Variants in FRMD5 observed in about 807,000 individuals in gnomAD.
The protein encoded by FRMD5 is FERM domain-containing protein 5.
Under a neutral mutation model 69.0 loss-of-function variants are expected in FRMD5, and 20 were observed. The ratio of observed to expected loss-of-function variants is 0.29; its 90% CI spans 0.20 to 0.42. The LOEUF (loss-of-function observed/expected upper bound fraction) is 0.42. Ranked by LOEUF, FRMD5 falls within the 10% of genes least tolerant of loss-of-function variation. The pLI is 1.00. For missense variants in FRMD5, 595 were observed against 708.6 expected, an observed-to-expected ratio of 0.84 and a Z score of 1.82; for synonymous variants, 271 against 260.1, an observed-to-expected ratio of 1.04 and a Z score of -0.40.
chr15:44,074,857 A>T (rs988103938), intron 1 of FRMD5, among the ~76,000 whole-genome samples: 1 of 152,154 alleles, frequency 6.6e-6, no homozygotes, highest in African/African-American at 2.4e-5. Context: ...TGCTTTTCAT[A>T]GTGACGTCAG....
intron 1 of FRMD5, among the ~76,000 whole-genome samples, chr15:43,978,836 AC>A (rs2140612228): frequency 6.6e-6 from 1 of 152,144 alleles, no homozygotes; most frequent in Non-Finnish European, 1.5e-5. Context: ...ACAGACATGA[AC>A]CACCACACCC....
intron 1 of FRMD5, chr15:44,194,619 G>T (rs915673353): frequency 1.6e-5 from 6 of 386,116 alleles, no homozygotes; most frequent in Non-Finnish European, 2.9e-5. Context: ...CGCCCTACCC[G>T]CCTCCCTCCG....
intron 1 of FRMD5, among the ~76,000 whole-genome samples, chr15:43,927,408 C>T (rs183924310): frequency 6.6e-6 from 1 of 152,228 alleles, no homozygotes; most frequent in East Asian, 1.9e-4. Context: ...GACAGAGACT[C>T]GTTATGAATC....
At chr15:43,987,431 G>A (rs183597308) in intron 1 of FRMD5, among the ~76,000 whole-genome samples, 49 of 152,324 alleles carry the variant, frequency 3.2e-4, no homozygotes, top group Admixed American at 1.8e-3. Flanking sequence ...TAGAACAGCG[G>A]TCCTCAACCT....
At chr15:43,896,334 G>A (rs1043864076) in intron 7 of FRMD5, among the ~76,000 whole-genome samples, 6 of 152,246 alleles carry the variant, frequency 3.9e-5, no homozygotes, top group East Asian at 1.9e-4. Context: ...TCCAAACCTC[G>A]GTTTCCTCAT....
At chr15:43,894,999 G>T (rs1435540846) in intron 7 of FRMD5, among the ~76,000 whole-genome samples, 1 of 152,068 alleles carries the variant, frequency 6.6e-6, no homozygotes, top group Non-Finnish European at 1.5e-5. Context: ...GCCAAGGTGG[G>T]TCTTGAACTC....
At chr15:44,146,438 C>T (rs145009456) in intron 1 of FRMD5, among the ~76,000 whole-genome samples, 1 of 152,184 alleles carries the variant, frequency 6.6e-6, no homozygotes, top group African/African-American at 2.4e-5. Context: ...GCTATTGTGA[C>T]TAGTGCTGCA....
intron 7 of FRMD5, 60 bp downstream of exon 7, chr15:43,902,115 T>C: frequency 2.4e-6 from 3 of 1,274,878 alleles, no homozygotes; most frequent in Non-Finnish European, 3.4e-6. Flanking sequence ...ATGGGGGCTC[T>C]TGCTCCTGAT....
chr15:43,888,136 C>A, intron 10 of FRMD5, 39 bp downstream of exon 10: 1 of 1,488,944 alleles, frequency 6.7e-7, no homozygotes, highest in South Asian at 1.1e-5. Context: ...CTGACTCTGG[C>A]TCTAAGAAAG....
intron 1 of FRMD5, among the ~76,000 whole-genome samples, chr15:44,071,507 C>T (rs1425795654): frequency 2.6e-5 from 4 of 152,148 alleles, no homozygotes; most frequent in Non-Finnish European, 5.9e-5. Context: ...AAAACTCTCT[C>T]CTCCCTACTT....
intron 1 of FRMD5, among the ~76,000 whole-genome samples, chr15:43,998,176 C>T (rs538284142): frequency 4.5e-4 from 68 of 152,252 alleles, no homozygotes; most frequent in African/African-American, 1.6e-3. Context: ...GATTCCTTCT[C>T]CACAAAATGG....
At chr15:43,993,623 T>C (rs990147284) in intron 1 of FRMD5, among the ~76,000 whole-genome samples, 1 of 152,250 alleles carries the variant, frequency 6.6e-6, no homozygotes, top group Non-Finnish European at 1.5e-5. Flanking sequence ...TTAAGTCCAA[T>C]GCTTCCTTAT....
chr15:43,954,880 T>C (rs910856407), intron 1 of FRMD5, among the ~76,000 whole-genome samples: 1 of 152,222 alleles, frequency 6.6e-6, no homozygotes, highest in African/African-American at 2.4e-5. Flanking sequence ...ATTTCTTGTA[T>C]GTGCTAGATG....
chr15:44,088,322 C>G (rs770970317), intron 1 of FRMD5, among the ~76,000 whole-genome samples: 1 of 152,152 alleles, frequency 6.6e-6, no homozygotes, highest in Non-Finnish European at 1.5e-5. Context: ...ACTCTCTCCC[C>G]ACCAGCTCTA....
intron 1 of FRMD5, among the ~76,000 whole-genome samples, chr15:44,044,146 T>C (rs1892326899): frequency 6.6e-6 from 1 of 152,136 alleles, no homozygotes; most frequent in Non-Finnish European, 1.5e-5. Flanking sequence ...AAGACATTTA[T>C]GTGGCCAACA....
rs56188091 is a variant in FRMD5 at position 44,159,063 on chromosome 15, G to GGAGGAACAGGGATGGGAGCA, written c.102+35870_102+35889dup. Among the ~76,000 whole-genome samples, 390 of 152,274 alleles carry GGAGGAACAGGGATGGGAGCA rather than the reference G, an allele frequency of 2.6e-3. 2 individuals carry two copies. The highest frequency in any genetic ancestry group is 4.4e-3 in the Non-Finnish European group (297 of 68,022). On this transcript the variant is annotated intron_variant, in intron 1 of 13. Coordinates refer to ENST00000417257, the MANE Select transcript of FRMD5 (RefSeq NM_032892.5). ...AGAACCAAGCCTAGAGAGATCCTTA[G>GGAGGAACAGGGATGGGAGCA]GAGGAACAGGGATGGGAGCAGAGGA...
intron 1 of FRMD5, among the ~76,000 whole-genome samples, chr15:44,136,523 T>C (rs1398104217): frequency 6.6e-6 from 1 of 151,758 alleles, no homozygotes; most frequent in Non-Finnish European, 1.5e-5. Context: ...AGAGGGAGAG[T>C]AAGATTTATT....
At chr15:44,178,513 T>C (rs1277114626) in intron 1 of FRMD5, among the ~76,000 whole-genome samples, 1 of 152,168 alleles carries the variant, frequency 6.6e-6, no homozygotes, top group African/African-American at 2.4e-5. Flanking sequence ...ATATTGCCGA[T>C]GACAGAATGA....
rs375116232 is a variant in FRMD5, at chr15:43,972,126, A to T, written c.103-47817T>A. Among the ~76,000 whole-genome samples, 13 of 150,372 alleles carry T rather than the reference A, an allele frequency of 8.6e-5. No individual in the cohort carries two copies. The East Asian group carries it at 1.7e-3, about 20-fold the overall frequency. ...GTAGAAAATATTTTAATGGTGCTTA[A>T]CCTCCAAAGAAAGATACAACAGGCA... On this transcript the variant is annotated intron_variant, in intron 1 of 13. Coordinates refer to ENST00000417257, the MANE Select transcript of FRMD5 (RefSeq NM_032892.5).
Sources: allele counts gnomAD v4.1 joint callset (sites outside exome capture counted in the v4.1 genomes callset), GRCh38; gene constraint gnomAD v4.1.1; transcripts MANE v1.5; gene names NCBI Gene and HGNC (gene_info 2026-07-23, HGNC 2026-07-21).